Variants in DCP1A observed in about 807,000 individuals in gnomAD.
DCP1A encodes the protein mRNA-decapping enzyme 1A.
In DCP1A, 20 loss-of-function variants were observed where a neutral mutation model predicts 58.0. The ratio of observed to expected loss-of-function variants is 0.34; its 90% CI spans 0.24 to 0.50. The LOEUF is 0.50. DCP1A is among the 20% of genes least tolerant of loss of function. The pLI, the probability that DCP1A is intolerant of heterozygous loss-of-function variation, is 0.98. For missense variants in DCP1A, 613 were observed against 712.2 expected (o/e 0.86, Z 1.59); for synonymous variants, 285 against 275.1 (o/e 1.04, Z -0.36).
At chr3:53,336,578 A>G (rs1190904480) in intron 3 of DCP1A, among the ~76,000 whole-genome samples, 1 of 152,058 alleles carries the variant, frequency 6.6e-6, no homozygotes. Context: ...ATTTCCTTGT[A>G]TATTTAGTAA....
In DCP1A at chr3:53,284,462, A is replaced by T. The variant is rs1706549382; in HGVS notation, c.*3118T>A. On this transcript the variant is annotated 3_prime_UTR_variant, in exon 10 of 10. Transcript: ENST00000610213. Reference sequence around the variant, plus strand: ...AAAAGGACAAATGCTTGACATGCAAAATCTGGTTAGACATATACTAAACTA... The same window carrying T: ...AAAAGGACAAATGCTTGACATGCAATATCTGGTTAGACATATACTAAACTA... 6.6e-6 allele frequency: 1 copy of T among 151,916 alleles called. No individual in the cohort carries two copies. Among genetic ancestry groups the T allele is most frequent in the African/African-American group, 2.4e-5 (1 of 41,356 alleles). The allele number at this position is 151,916 out of a possible 1,614,324, so 9.4% of individuals were successfully genotyped here. A position where few individuals can be genotyped will look rare whatever the true frequency, so the allele number is the denominator to read the frequency against.
chr3:53,318,196 T>G, intron 4 of DCP1A, among the ~76,000 whole-genome samples: 1 of 152,250 alleles, frequency 6.6e-6, no homozygotes, highest in Non-Finnish European at 1.5e-5. Flanking sequence ...TCCCAGCTAC[T>G]TGAGAGGCTG....
At chr3:53,300,302 A>ACT (rs1413863435) in intron 6 of DCP1A, among the ~76,000 whole-genome samples, 3 of 149,080 alleles carry the variant, frequency 2.0e-5, no homozygotes, top group African/African-American at 7.5e-5. Context: ...GGCTTGTCAC[A>ACT]CTCATTTTTC....
chr3:53,293,247 T>C (rs966950067), intron 6 of DCP1A, among the ~76,000 whole-genome samples: 8 of 152,088 alleles, frequency 5.3e-5, no homozygotes, highest in Non-Finnish European at 1.5e-5. Flanking sequence ...AGAGACTGGG[T>C]CTCAAATATC....
intron 6 of DCP1A, among the ~76,000 whole-genome samples, chr3:53,294,135 C>CT (rs1439399668): frequency 6.6e-6 from 1 of 152,192 alleles, no homozygotes; most frequent in East Asian, 1.9e-4. Context: ...TGCAGAGTAT[C>CT]TGAGACACGT....
At chr3:53,314,667 C>CTTTTTTTTTTTTTTTT (rs1167830951) in intron 4 of DCP1A, among the ~76,000 whole-genome samples, 1 of 86,722 alleles carries the variant, frequency 1.2e-5, no homozygotes, top group Non-Finnish European at 2.1e-5. Flanking sequence ...TTTTCTTTTT[C>CTTTTTTTTTTTTTTTT]TTTTTTTTTT....
intron 3 of DCP1A, among the ~76,000 whole-genome samples, chr3:53,339,923 C>T (rs782406067): frequency 1.4e-4 from 21 of 152,100 alleles, no homozygotes; most frequent in Admixed American, 8.5e-4. Flanking sequence ...ATTTCTCCCA[C>T]CCTCTTTTCA....
At position 53,292,431 on chromosome 3, in the gene DCP1A, T is replaced by C. The variant is rs782390302; in HGVS notation, c.1021A>G (p.Met341Val). 1.1e-5 allele frequency: 18 copies of C among 1,613,972 alleles called. 1 individual carries two copies. The South Asian group carries it at 1.9e-4, about 17-fold the overall frequency. ...VPPSLPRNST[M>V]MQAVKTTPRQ... ...GGCGTGGTCTTCACTGCCTGCATCA[T>C]GGTGCTGTTTCGAGGTAAGCTGGGG... The change falls in exon 7 of 10, where the codon ATG (methionine) becomes GTG (valine). Residue 341 changes from methionine to valine, a missense_variant. Coordinates refer to ENST00000610213, the MANE Select transcript of DCP1A (RefSeq NM_018403.7).
intron 3 of DCP1A, among the ~76,000 whole-genome samples, chr3:53,323,958 T>C (rs1553690311): frequency 6.6e-6 from 1 of 151,930 alleles, no homozygotes; most frequent in Non-Finnish European, 1.5e-5. Context: ...CAATTAAGTG[T>C]ATTTTCACAG....
chr3:53,319,454 C>G lies in DCP1A; in HGVS notation c.324G>C (p.Trp108Cys). 2 of 1,559,652 alleles carry G rather than the reference C, an allele frequency of 1.3e-6. No individual in the cohort carries two copies. The highest frequency in any genetic ancestry group is 1.7e-6 in the Non-Finnish European group (2 of 1,149,456). The change falls in exon 4 of 10, where the codon TGG (tryptophan) becomes TGC (cysteine). Residue 108 changes from tryptophan (W) to cysteine (C), a missense_variant. Coordinates refer to ENST00000610213, the MANE Select transcript of DCP1A (RefSeq NM_018403.7). ...GGTGACAGTCATTCTTGTCATAAAA[C>G]CAGATACTATATATCGACACTTGAA... ...RNASLSIYSI[W>C]FYDKNDCHRI...
intron 3 of DCP1A, chr3:53,333,143 G>GTT (rs1166670582): frequency 4.4e-4 from 60 of 135,268 alleles, no homozygotes; most frequent in East Asian, 2.1e-3. Flanking sequence ...CAGGGTTTTG[G>GTT]TTTTTTTTTT....
chr3:53,290,717 T>C (rs1553685826), intron 8 of DCP1A, 74 bp downstream of exon 8: 4 of 1,244,844 alleles, frequency 3.2e-6, no homozygotes, highest in Non-Finnish European at 4.5e-6. Flanking sequence ...TTCTACTCTT[T>C]CTACTTTCTC....
rs1049870570 is a variant in DCP1A at position 53,312,011 on chromosome 3, C to T, written c.510+230G>A. ...TGTTGCCCAGACTAGAGTGGAGTGG[C>T]ACAATCATAGCCCACTGCAGCCTCC... On this transcript the variant is annotated intron_variant, in intron 5 of 9. Transcript: ENST00000610213. 2.6e-5 allele frequency among the ~76,000 whole-genome samples: 4 copies of T among 151,778 alleles called. No individual in the cohort carries two copies. The East Asian group carries it at 7.7e-4, about 29-fold the overall frequency.
chr3:53,306,739 C>A (rs1478567408), intron 5 of DCP1A, among the ~76,000 whole-genome samples: 1 of 145,642 alleles, frequency 6.9e-6, no homozygotes, highest in Admixed American at 6.9e-5. Flanking sequence ...CCACTGCACT[C>A]CAGCCTGGGC....
intron 3 of DCP1A, among the ~76,000 whole-genome samples, chr3:53,326,543 G>C (rs1325300439): frequency 6.6e-6 from 1 of 152,236 alleles, no homozygotes; most frequent in Admixed American, 6.5e-5. Context: ...GCAGACAACA[G>C]AGCATTACTG....
intron 4 of DCP1A, among the ~76,000 whole-genome samples, chr3:53,315,744 G>GTTTTTTTTTTTT (rs797040721): frequency 3.1e-5 from 3 of 95,412 alleles, no homozygotes; most frequent in African/African-American, 4.2e-5. Context: ...TCAGTTTGTT[G>GTTTTTTTTTTTT]TTTTTTTTTT....
chr3:53,315,412 C>T (rs1280302819), intron 4 of DCP1A, among the ~76,000 whole-genome samples: 5 of 151,480 alleles, frequency 3.3e-5, no homozygotes, highest in South Asian at 4.2e-4. Flanking sequence ...GTGGCAGGCA[C>T]TTGTAATCCC....
At position 53,287,455 on chromosome 3, in the gene DCP1A, T is replaced by G; in HGVS notation, c.*125A>C. 1 of 482,894 alleles carries G rather than the reference T, an allele frequency of 2.1e-6. No individual in the cohort carries two copies. The highest frequency in any genetic ancestry group is 3.7e-6 in the Non-Finnish European group (1 of 271,052). 29.9% of individuals were successfully genotyped at this position (482,894 alleles called of 1,614,324 possible). ...TCACTTGGAAAACATTCTTAAGAAA[T>G]GAGTCTCTTTCTCATAGGCTCAATT... is the stretch of plus-strand genomic sequence containing the variant. On this transcript the variant is annotated 3_prime_UTR_variant, in exon 10 of 10. Coordinates refer to ENST00000610213, the MANE Select transcript of DCP1A (RefSeq NM_018403.7).
chr3:53,317,755 CA>C lies in DCP1A; in HGVS notation c.371+1651del, dbSNP rs1707855056. 2.0e-5 allele frequency among the ~76,000 whole-genome samples: 3 copies of C among 152,096 alleles called. No individual in the cohort carries two copies. The South Asian group carries it at 6.2e-4, about 32-fold the overall frequency. ...TTTAAGAGAAAAAGTGTTCTAAAAA[CA>C]AAGCGTGGCTCTTTTTTCAAGCCAA... On this transcript the variant is annotated intron_variant, in intron 4 of 9. Coordinates refer to ENST00000610213, the MANE Select transcript of DCP1A (RefSeq NM_018403.7).
Sources: allele counts gnomAD v4.1 joint callset (sites outside exome capture counted in the v4.1 genomes callset), GRCh38; gene constraint gnomAD v4.1.1; transcripts MANE v1.5; gene names NCBI Gene and HGNC (gene_info 2026-07-23, HGNC 2026-07-21).